The following RGS12 variants were observed in gnomAD, a reference collection of about 807,000 sequenced individuals.
The protein encoded by RGS12 is regulator of G-protein signaling 12.
A neutral mutation model predicts 120.1 loss-of-function variants in RGS12; 66 were observed. The observed-to-expected ratio is 0.55, with a 90% confidence interval of 0.45 to 0.67. The LOEUF (loss-of-function observed/expected upper bound fraction) is 0.67, where lower values mean the gene tolerates loss of function less well. Among genes scored for constraint, RGS12 ranks in the 30% least tolerant of loss-of-function variants. The pLI, the probability that RGS12 is intolerant of heterozygous loss-of-function variation, is 0.00. For synonymous variants in RGS12, 827 were observed against 804.7 expected (o/e 1.03, Z -0.47); for missense variants, 1,859 against 1,957.7 (o/e 0.95, Z 0.95).
At position 3,366,345 on chromosome 4, in the gene RGS12, G is replaced by A. The variant is rs571026784; in HGVS notation, c.1999-20071G>A. 6.6e-6 allele frequency among the ~76,000 whole-genome samples: 1 copy of A among 152,236 alleles called. No homozygotes were observed. Among genetic ancestry groups the A allele is most frequent in the East Asian group, 1.9e-4 (1 of 5,174 alleles). On this transcript the variant is annotated intron_variant, in intron 3 of 17. Coordinates refer to ENST00000336727, the MANE Select transcript of RGS12 (RefSeq NM_001394154.1). This position sits in a 1 kb window ranked among gnomAD's most constrained non-coding sequence, Gnocchi z 4.0. Reference sequence around the variant, plus strand: ...GAGATTTGAGGGCCCTGCCCATAGAGGAGCCACACCTGGGCCTTTGGCTTG... The same window carrying A: ...GAGATTTGAGGGCCCTGCCCATAGAAGAGCCACACCTGGGCCTTTGGCTTG...
At chr4:3,431,742 G>A (rs879046136) in intron 17 of RGS12, 19 of 985,540 alleles carry the variant, frequency 1.9e-5, no homozygotes, top group South Asian at 1.9e-4. Flanking sequence ...CAGGGTGCGC[G>A]TCATGGAGTG....
chr4:3,424,582 G>C (rs562804445), intron 13 of RGS12, among the ~76,000 whole-genome samples: 3 of 152,216 alleles, frequency 2.0e-5, no homozygotes, highest in African/African-American at 7.2e-5. Context: ...GGGGTTGGTC[G>C]TGGCAGCGTG....
In RGS12 at chr4:3,414,143, G is replaced by T. The variant is rs772460923; in HGVS notation, c.2092G>T (p.Val698Leu). 1 of 1,566,810 alleles carries T rather than the reference G, an allele frequency of 6.4e-7. No individual in the cohort carries two copies. The highest frequency in any genetic ancestry group is 8.6e-7 in the Non-Finnish European group (1 of 1,162,396). Residue 698 changes from valine to leucine, a missense_variant, in exon 5 of 18, where the codon GTG (valine) becomes TTG (leucine). By Grantham distance (32) the Val-to-Leu change is conservative. Coordinates refer to ENST00000336727, the MANE Select transcript of RGS12 (RefSeq NM_001394154.1). ...SLSSNASLPS[V>L]QSCRRLRERR... ...GAGCAGCAATGCCAGCCTCCCCAGC[G>T]TGCAGAGCTGCCGGCGCCTGCGTGA...
At chr4:3,369,876 C>A in intron 3 of RGS12, 1 of 329,888 alleles carries the variant, frequency 3.0e-6, no homozygotes. Context: ...CATGTGGAGG[C>A]TTAGAATAGA....
At chr4:3,375,642 C>T (rs1217942450) in intron 3 of RGS12, among the ~76,000 whole-genome samples, 1 of 100,728 alleles carries the variant, frequency 9.9e-6, no homozygotes, top group African/African-American at 4.2e-5. Flanking sequence ...CTCCAGCCCT[C>T]ATCTCCAGCC....
rs772197757 is a variant in RGS12 at position 3,422,517 on chromosome 4, C to T, written c.2980C>T (p.Arg994Trp). The change falls in exon 11 of 18, where the codon CGG (arginine) becomes TGG (tryptophan). Residue 994 changes from arginine (R) to tryptophan (W), a missense_variant. Coordinates refer to ENST00000336727, the MANE Select transcript of RGS12 (RefSeq NM_001394154.1). ...AGACATCCTGTCCGGACTCTGTGAG[C>T]GGCATGGCATCAACGGGGCGGCCGC... is the stretch of plus-strand genomic sequence containing the variant. ...IKDILSGLCERHGINGAAADL... is the reference protein window; with the variant it reads ...IKDILSGLCEWHGINGAAADL... 3.1e-6 allele frequency: 5 copies of T among 1,612,756 alleles called. No individual in the cohort carries two copies. Among genetic ancestry groups the T allele is most frequent in the African/African-American group, 1.3e-5 (1 of 74,942 alleles).
intron 17 of RGS12, among the ~76,000 whole-genome samples, chr4:3,435,310 G>C (rs1427028173): frequency 1.3e-5 from 2 of 152,132 alleles, no homozygotes; most frequent in Non-Finnish European, 2.9e-5. Context: ...TGAGGATGCA[G>C]CCCCACCTGG....
At chr4:3,417,657 T>C (rs1199099807) in intron 9 of RGS12, 116 bp downstream of exon 9, 2 of 1,128,064 alleles carry the variant, frequency 1.8e-6, no homozygotes, top group Non-Finnish European at 2.5e-6. Flanking sequence ...AGAGGCCCTG[T>C]TGGCGGGTCG....
At chr4:3,288,086 C>T (rs1036505662), upstream of RGS12, among the ~76,000 whole-genome samples, 2 of 152,366 alleles carry the variant, frequency 1.3e-5, no homozygotes, top group South Asian at 2.1e-4. This position sits in a 1 kb window ranked among gnomAD's most constrained non-coding sequence, Gnocchi z 5.2. Flanking sequence ...TGGCCCTGAG[C>T]TCCCTGAGCC....
rs149366995 is a variant in RGS12 at position 3,389,561 on chromosome 4, G to A, written c.2020+3124G>A. On this transcript the variant is annotated intron_variant, in intron 4 of 17. Transcript: ENST00000336727. The surrounding 1 kb of genome is among the most constrained non-coding windows in gnomAD (Gnocchi z 5.2). ...TGGAGCCGCGGCCGCACAGAAGCCCGTTCTTGTGGCTTCCTCCGTTGGTCA... is the reference window on the plus strand; with the variant it reads ...TGGAGCCGCGGCCGCACAGAAGCCCATTCTTGTGGCTTCCTCCGTTGGTCA... 7.2e-5 allele frequency among the ~76,000 whole-genome samples: 11 copies of A among 152,262 alleles called. No homozygotes were observed. In the East Asian group the frequency reaches 1.2e-3, roughly 16 times the overall value.
chr4:3,385,550 C>A (rs1718753258), intron 3 of RGS12: 1 of 152,732 alleles, frequency 6.5e-6, no homozygotes, highest in Non-Finnish European at 1.5e-5. Context: ...CTGATCAGGG[C>A]TCCCGTTGGG....
intron 1 of RGS12, among the ~76,000 whole-genome samples, chr4:3,301,491 C>T (rs1192732244): frequency 6.6e-6 from 1 of 152,146 alleles, no homozygotes; most frequent in Admixed American, 6.5e-5. Context: ...GAAATAAGAC[C>T]CATTTGTTGA....
At chr4:3,339,450 C>T (rs113465254) in intron 2 of RGS12, among the ~76,000 whole-genome samples, 11,680 of 152,120 alleles carry the variant, frequency 0.077, 803 homozygotes, top group African/African-American at 0.19. Context: ...CCTCTCCCTC[C>T]GGCCTGGGCG....
At chr4:3,420,567 G>T in intron 9 of RGS12, 75 bp from the exon 10 acceptor site, 1 of 1,464,786 alleles carries the variant, frequency 6.8e-7, no homozygotes, top group Middle Eastern at 2.3e-4. Flanking sequence ...AGCCTAAAGG[G>T]GGCAGAGGGT....
chr4:3,428,440 C>T, intron 15 of RGS12, 118 bp from the exon 16 acceptor site: 1 of 929,870 alleles, frequency 1.1e-6, no homozygotes, highest in Non-Finnish European at 1.7e-6. Flanking sequence ...TTCTGCAATG[C>T]ATGTAAATTC....
chr4:3,359,599 CAG>C (rs1227403879), intron 3 of RGS12, among the ~76,000 whole-genome samples: 1 of 146,404 alleles, frequency 6.8e-6, no homozygotes, highest in Non-Finnish European at 1.5e-5. Flanking sequence ...TAGGTCTATT[CAG>C]ATTTTCTAGT....
At chr4:3,336,684 G>A (rs1292169392) in intron 2 of RGS12, among the ~76,000 whole-genome samples, 1 of 152,176 alleles carries the variant, frequency 6.6e-6, no homozygotes, top group East Asian at 1.9e-4. Context: ...TTTAGTTCTA[G>A]CAGTGTGGGT....
intron 1 of RGS12, among the ~76,000 whole-genome samples, chr4:3,304,641 G>A (rs1723873076): frequency 6.6e-6 from 1 of 152,176 alleles, no homozygotes; most frequent in Non-Finnish European, 1.5e-5. Flanking sequence ...CTTCTTTTTA[G>A]CCGCTTTTCC....
At chr4:3,308,963 C>T (rs948839155) in intron 1 of RGS12, among the ~76,000 whole-genome samples, 2 of 152,176 alleles carry the variant, frequency 1.3e-5, no homozygotes, top group African/African-American at 2.4e-5. Context: ...GGTCGGCACT[C>T]GCAGCACTGC....
Sources: allele counts gnomAD v4.1 joint callset (sites outside exome capture counted in the v4.1 genomes callset), GRCh38; gene constraint gnomAD v4.1.1; non-coding constraint Gnocchi (gnomAD v3.1); transcripts MANE v1.5; gene names NCBI Gene and HGNC (gene_info 2026-07-23, HGNC 2026-07-21).